Variants in PRKCE observed in about 807,000 individuals in gnomAD.
The protein encoded by PRKCE is protein kinase C epsilon type.
Under a neutral mutation model 85.4 loss-of-function variants are expected in PRKCE, and 16 were observed. The ratio of observed to expected loss-of-function variants is 0.19; its 90% confidence interval spans 0.13 to 0.28. The LOEUF is 0.28. Among genes scored for constraint, PRKCE ranks in the 10% least tolerant of loss-of-function variants. The pLI is 1.00. For synonymous variants in PRKCE, 388 were observed against 371.5 expected, an observed-to-expected ratio of 1.04 and a Z score of -0.51; for missense variants, 573 against 975.2, an observed-to-expected ratio of 0.59 and a Z score of 5.49.
At position 45,834,576 on chromosome 2, in the gene PRKCE, G is replaced by A. The variant is rs920273706; in HGVS notation, c.349-8424G>A. Among the ~76,000 whole-genome samples the A allele has an allele frequency of 5.2e-4, 75 of 144,986 alleles. 1 individual carries two copies. The highest frequency in any genetic ancestry group is 1.8e-3 in the African/African-American group (70 of 37,888). Reference sequence around the variant, plus strand: ...AGATAAGGACGTATGTGCAGATCACGTGTGCGCATGTGTGTATGTGTGTGT... The same window carrying A: ...AGATAAGGACGTATGTGCAGATCACATGTGCGCATGTGTGTATGTGTGTGT... On this transcript the variant is annotated intron_variant, in intron 1 of 14. Coordinates refer to ENST00000306156, the MANE Select transcript of PRKCE (RefSeq NM_005400.3).
At chr2:46,110,854 C>G (rs1050753542) in intron 11 of PRKCE, among the ~76,000 whole-genome samples, 2 of 152,056 alleles carry the variant, frequency 1.3e-5, no homozygotes, top group Non-Finnish European at 2.9e-5. Context: ...TTAAACACTG[C>G]TTTCACCGTA....
intron 10 of PRKCE, among the ~76,000 whole-genome samples, chr2:46,024,168 T>G (rs1266520154): frequency 6.6e-6 from 1 of 152,204 alleles, no homozygotes; most frequent in Non-Finnish European, 1.5e-5. Context: ...TGATTTATAC[T>G]GGGGTGACTG....
chr2:45,668,148 C>A (rs532520833), intron 1 of PRKCE, among the ~76,000 whole-genome samples: 1 of 152,270 alleles, frequency 6.6e-6, no homozygotes, highest in African/African-American at 2.4e-5. Context: ...CGAGACCAGC[C>A]TGGCCAACAT....
rs1051524256 is a variant in PRKCE, at chr2:45,655,432, T to C, written c.348+2984T>C. Among the ~76,000 whole-genome samples, 7 of 152,078 alleles carry C rather than the reference T, an allele frequency of 4.6e-5. No individual in the cohort carries two copies. The South Asian group carries it at 6.2e-4, about 14-fold the overall frequency. On this transcript the variant is annotated intron_variant, in intron 1 of 14. Coordinates refer to ENST00000306156, the MANE Select transcript of PRKCE (RefSeq NM_005400.3). Reference sequence around the variant, plus strand: ...TGGCCCAAGACAATTCTTCTTCCGATGTGGCCCAGGGAAGCCTAAAAGTTG... The same window carrying C: ...TGGCCCAAGACAATTCTTCTTCCGACGTGGCCCAGGGAAGCCTAAAAGTTG...
chr2:46,016,924 A>G (rs1574238920), intron 10 of PRKCE, among the ~76,000 whole-genome samples: 1 of 150,706 alleles, frequency 6.6e-6, no homozygotes, highest in African/African-American at 2.4e-5. Flanking sequence ...AAAAAAAAAA[A>G]AAGAAAGAAA....
At chr2:45,858,885 A>G (rs1692906775) in intron 2 of PRKCE, among the ~76,000 whole-genome samples, 1 of 151,920 alleles carries the variant, frequency 6.6e-6, no homozygotes, top group African/African-American at 2.4e-5. Flanking sequence ...TACTAAAAAT[A>G]CAAAAATTAG....
intron 2 of PRKCE, chr2:45,845,845 G>A (rs763106749): frequency 6.6e-6 from 1 of 152,202 alleles, no homozygotes; most frequent in Non-Finnish European, 1.5e-5. Context: ...AAGGGGGTCA[G>A]GCTAGATGAC....
intron 10 of PRKCE, among the ~76,000 whole-genome samples, chr2:46,021,211 C>T (rs532324775): frequency 2.0e-5 from 3 of 152,230 alleles, no homozygotes; most frequent in East Asian, 1.9e-4. Context: ...GCTAGGAAGC[C>T]GTGAGGAAGA....
At chr2:46,085,736 G>GTTTTTTTTTTTTTTTTTTTTTTTTTTTT (rs1170933914) in intron 10 of PRKCE, among the ~76,000 whole-genome samples, 1 of 104,564 alleles carries the variant, frequency 9.6e-6, no homozygotes, top group Non-Finnish European at 1.8e-5. Flanking sequence ...TGCAAAATCC[G>GTTTTTTTTTTTTTTTTTTTTTTTTTTTT]TTTTTTTTTT....
At chr2:46,046,151 A>C (rs1427738488) in intron 10 of PRKCE, among the ~76,000 whole-genome samples, 2 of 152,176 alleles carry the variant, frequency 1.3e-5, no homozygotes, top group Non-Finnish European at 2.9e-5. Context: ...GCTGGGATTC[A>C]TTTCTGGTGG....
At chr2:46,174,607 G>C (rs1679246986) in intron 14 of PRKCE, among the ~76,000 whole-genome samples, 2 of 152,020 alleles carry the variant, frequency 1.3e-5, no homozygotes, top group African/African-American at 4.8e-5. Context: ...GTGCGCCCAG[G>C]CTCCCCCATG....
chr2:46,159,949 T>TATTGAAACCTACTATTGAAA lies in PRKCE; in HGVS notation c.2067+198_2067+199insTTGAAACCTACTATTGAAAA, dbSNP rs1362612122. On this transcript the variant is annotated intron_variant, in intron 14 of 14. Coordinates refer to ENST00000306156, the MANE Select transcript of PRKCE (RefSeq NM_005400.3). This position sits in a 1 kb window ranked among gnomAD's most constrained non-coding sequence, Gnocchi z 4.1. ...TTACTATTGAAAACATGTAACCTAC[T>TATTGAAACCTACTATTGAAA]ACAGCAGCACCCAAGATGATGATTT... 8 of 563,708 alleles carry TATTGAAACCTACTATTGAAA rather than the reference T, an allele frequency of 1.4e-5. No homozygotes were observed. In the African/African-American group the frequency reaches 1.6e-4, roughly 11 times the overall value. The allele number at this position is 563,708 out of a possible 1,614,324, so 34.9% of individuals were successfully genotyped here.
intron 1 of PRKCE, among the ~76,000 whole-genome samples, chr2:45,798,434 CTT>C (rs893836255): frequency 2.0e-5 from 3 of 152,262 alleles, no homozygotes; most frequent in African/African-American, 7.2e-5. Context: ...CTGCCCCCGA[CTT>C]TTGTGGGACC....
At chr2:45,919,818 A>C (rs1698119807) in intron 2 of PRKCE, among the ~76,000 whole-genome samples, 1 of 152,242 alleles carries the variant, frequency 6.6e-6, no homozygotes, top group Admixed American at 6.5e-5. Flanking sequence ...AAGCAGAAGG[A>C]AATAAACATC....
At chr2:45,763,261 G>A (rs1440904706) in intron 1 of PRKCE, among the ~76,000 whole-genome samples, 1 of 152,020 alleles carries the variant, frequency 6.6e-6, no homozygotes, top group East Asian at 1.9e-4. Flanking sequence ...GCCTTGAGGT[G>A]TTCTTTCTTT....
chr2:46,061,861 T>TTTTCTTTTTC, intron 10 of PRKCE, among the ~76,000 whole-genome samples: 1 of 87,660 alleles, frequency 1.1e-5, no homozygotes, highest in Non-Finnish European at 2.6e-5. Flanking sequence ...TTCTTTTTCT[T>TTTTCTTTTTC]TTTTTTTTTT....
intron 1 of PRKCE, among the ~76,000 whole-genome samples, chr2:45,725,291 C>G (rs1032007305): frequency 6.6e-6 from 1 of 152,136 alleles, no homozygotes; most frequent in Non-Finnish European, 1.5e-5. Flanking sequence ...AGATTTCTTT[C>G]AAAATGTTAC....
At chr2:45,984,958 A>G (rs1442091924) in intron 6 of PRKCE, among the ~76,000 whole-genome samples, 1 of 152,240 alleles carries the variant, frequency 6.6e-6, no homozygotes, top group African/African-American at 2.4e-5. Flanking sequence ...ATGAGTCTAC[A>G]AAAGCATAAT....
chr2:45,681,287 TCAAAAAAAAAAAA>T (rs1676878237), intron 1 of PRKCE, among the ~76,000 whole-genome samples: 1 of 13,854 alleles, frequency 7.2e-5, no homozygotes, highest in African/African-American at 3.5e-4. Context: ...AGACTCTGTC[TCAAAAAAAAAAAA>T]AAAAAAAAAA....
Sources: allele counts gnomAD v4.1 joint callset (sites outside exome capture counted in the v4.1 genomes callset), GRCh38; gene constraint gnomAD v4.1.1; non-coding constraint Gnocchi (gnomAD v3.1); transcripts MANE v1.5; gene names NCBI Gene and HGNC (gene_info 2026-07-23, HGNC 2026-07-21).